The following APBA1 variants were observed in gnomAD, a reference collection of about 807,000 sequenced individuals.
APBA1 encodes the protein amyloid beta precursor protein binding family A member 1.
A neutral mutation model predicts 86.6 loss-of-function variants in APBA1; 55 were observed. That is an observed-to-expected ratio of 0.64 (90% CI 0.51 to 0.80). The LOEUF is 0.80. APBA1 is among the 30% of genes least tolerant of loss of function. The pLI, the probability that APBA1 is intolerant of heterozygous loss-of-function variation, is 0.00. For missense variants in APBA1, 1,090 were observed against 1,183.0 expected (o/e 0.92, Z 1.15); for synonymous variants, 511 against 493.9 (o/e 1.03, Z -0.46).
At chr9:69,611,292 AAAAAAAAAAAAAC>A (rs1346040626) in intron 1 of APBA1, among the ~76,000 whole-genome samples, 3 of 150,944 alleles carry the variant, frequency 2.0e-5, no homozygotes, top group Non-Finnish European at 4.4e-5. Flanking sequence ...AAGGAAAAAA[AAAAAAAAAAAAAC>A]AAAAAAAAAA....
chr9:69,582,422 A>G (rs1008060399), intron 1 of APBA1, among the ~76,000 whole-genome samples: 3 of 152,184 alleles, frequency 2.0e-5, no homozygotes, highest in African/African-American at 7.2e-5. Context: ...TAGTGATGCA[A>G]CAGCCTATCA....
In APBA1 at chr9:69,431,424, G is replaced by GGGGGGCTGAGGCT. The variant is rs747556833; in HGVS notation, c.2443-39_2443-27dup. 9.7e-5 allele frequency: 155 copies of GGGGGGCTGAGGCT among 1,604,386 alleles called. No homozygotes were observed. The African/African-American group carries it at 1.8e-3, about 18-fold the overall frequency. On this transcript the variant is annotated intron_variant, in intron 12 of 12. Transcript: ENST00000265381. ...CTGAGGGTAAAGAACACACTTTAGT[G>GGGGGGCTGAGGCT]GGGGGCTGAGGCTGGGGGCTGGCTG... is the stretch of plus-strand genomic sequence containing the variant.
intron 2 of APBA1, among the ~76,000 whole-genome samples, chr9:69,489,142 T>G (rs1835660363): frequency 6.6e-6 from 1 of 152,098 alleles, no homozygotes; most frequent in African/African-American, 2.4e-5. Context: ...TTAAAGTTCA[T>G]ATGGAACCAG....
At position 69,656,044 on chromosome 9, in the gene APBA1, C is replaced by T. The variant is rs375979782; in HGVS notation, c.-70+16109G>A. ...AATTTTTATGTGTCAATTTTAACAA[C>T]ATTAATAAAAATAACACAACTTTAA... On this transcript the variant is annotated intron_variant, in intron 1 of 12. Coordinates refer to ENST00000265381, the MANE Select transcript of APBA1 (RefSeq NM_001163.4). 1.5e-4 allele frequency among the ~76,000 whole-genome samples: 23 copies of T among 152,260 alleles called. No homozygotes were observed. In the East Asian group the frequency reaches 4.2e-3, roughly 28 times the overall value.
chr9:69,460,381 T>C (rs1238679850), intron 5 of APBA1, among the ~76,000 whole-genome samples: 4 of 152,222 alleles, frequency 2.6e-5, no homozygotes, highest in African/African-American at 9.7e-5. Flanking sequence ...TGTTATGCCA[T>C]GCCACACCAC....
chr9:69,649,432 C>T (rs1235137266), intron 1 of APBA1, among the ~76,000 whole-genome samples: 3 of 152,232 alleles, frequency 2.0e-5, no homozygotes, highest in Admixed American at 1.3e-4. Context: ...CCCTTCTGCC[C>T]AGAGTCACTT....
chr9:69,473,887 A>G (rs1436258206), intron 3 of APBA1, among the ~76,000 whole-genome samples: 1 of 152,212 alleles, frequency 6.6e-6, no homozygotes, highest in Non-Finnish European at 1.5e-5. Context: ...ATCTCTAATT[A>G]TTACACACAA....
intron 1 of APBA1, among the ~76,000 whole-genome samples, chr9:69,523,294 TAGA>T (rs1235458414): frequency 6.6e-6 from 1 of 151,386 alleles, no homozygotes; most frequent in East Asian, 1.9e-4. Context: ...GAAGTAGTGT[TAGA>T]AGAAGGGTCA....
intron 1 of APBA1, among the ~76,000 whole-genome samples, chr9:69,533,903 A>G (rs1008420553): frequency 3.9e-5 from 6 of 152,206 alleles, no homozygotes; most frequent in African/African-American, 1.4e-4. Flanking sequence ...ATGGAGCACT[A>G]GAGAGCTTGT....
rs777399043 is a variant in APBA1, at chr9:69,505,274, G to T, written c.1200+10737C>A. ...CTGCTCCCTTAACATAAGGCTTTGG[G>T]GTTTATTTCCACTGGGGAAGAAAGC... On this transcript the variant is annotated intron_variant, in intron 2 of 12. Coordinates refer to ENST00000265381, the MANE Select transcript of APBA1 (RefSeq NM_001163.4). Among the ~76,000 whole-genome samples, 42 of 152,080 alleles carry T rather than the reference G, an allele frequency of 2.8e-4. 1 individual carries two copies. Among genetic ancestry groups the T allele is most frequent in the Non-Finnish European group, 1.5e-4 (10 of 68,038 alleles).
At chr9:69,468,096 T>C (rs529826684) in intron 4 of APBA1, 128 bp from the exon 5 acceptor site, 1 of 1,085,784 alleles carries the variant, frequency 9.2e-7, no homozygotes, top group South Asian at 1.5e-5. Context: ...CCTGCTGGTC[T>C]GAGGCATCTC....
intron 1 of APBA1, among the ~76,000 whole-genome samples, chr9:69,543,617 T>C (rs574163549): frequency 6.6e-6 from 1 of 152,138 alleles, no homozygotes; most frequent in Non-Finnish European, 1.5e-5. Context: ...TTAAATATTA[T>C]TTAACCCTTA....
chr9:69,450,788 A>G (rs1834994015), intron 9 of APBA1, among the ~76,000 whole-genome samples: 2 of 152,104 alleles, frequency 1.3e-5, no homozygotes, highest in African/African-American at 4.8e-5. Flanking sequence ...TCATGTCCTT[A>G]TTTAAGAAGA....
chr9:69,629,144 T>C (rs1822990338), intron 1 of APBA1, among the ~76,000 whole-genome samples: 1 of 152,186 alleles, frequency 6.6e-6, no homozygotes, highest in African/African-American at 2.4e-5. Flanking sequence ...AAACCAATTA[T>C]AACTTTTAAA....
At position 69,562,380 on chromosome 9, in the gene APBA1, CT is replaced by C. The variant is rs11393335; in HGVS notation, c.-69-45102del. Among the ~76,000 whole-genome samples, 510 of 144,808 alleles carry C rather than the reference CT, an allele frequency of 3.5e-3. 1 individual carries two copies. The highest frequency in any genetic ancestry group is 8.4e-3 in the African/African-American group (333 of 39,778). The allele number at this position is 144,808 out of a possible 152,430, so 95.0% of individuals were successfully genotyped here. ...TCCTAGATTTTCTTTCTTTTCTTTTCTTTTTTTTTTTTGACATGAAGTCTCC... is the reference window on the plus strand; with the variant it reads ...TCCTAGATTTTCTTTCTTTTCTTTTCTTTTTTTTTTTGACATGAAGTCTCC... On this transcript the variant is annotated intron_variant, in intron 1 of 12. Coordinates refer to ENST00000265381, the MANE Select transcript of APBA1 (RefSeq NM_001163.4).
chr9:69,581,775 C>G (rs543028222), intron 1 of APBA1, among the ~76,000 whole-genome samples: 1 of 152,180 alleles, frequency 6.6e-6, no homozygotes, highest in East Asian at 1.9e-4. Context: ...GCTATGTGAC[C>G]CCGGTCAAGT....
At chr9:69,599,901 C>T (rs1490005499) in intron 1 of APBA1, among the ~76,000 whole-genome samples, 1 of 152,150 alleles carries the variant, frequency 6.6e-6, no homozygotes, top group Admixed American at 6.5e-5. Context: ...CTTTCTGGGG[C>T]TTCATGCGTT....
intron 1 of APBA1, among the ~76,000 whole-genome samples, chr9:69,559,209 T>A (rs1008674439): frequency 6.6e-6 from 1 of 152,188 alleles, no homozygotes; most frequent in Non-Finnish European, 1.5e-5. Context: ...AAAGTCTTTA[T>A]TACAGTCTCC....
At position 69,498,468 on chromosome 9, in the gene APBA1, T is replaced by C. The variant is rs574371862; in HGVS notation, c.1200+17543A>G. On this transcript the variant is annotated intron_variant, in intron 2 of 12. Transcript: ENST00000265381. ...TATGCCACTAAATTTTGGGGAAATT[T>C]GTTACACAGCAATAGATAATTAAGA... 2.6e-5 allele frequency among the ~76,000 whole-genome samples: 4 copies of C among 152,256 alleles called. No homozygotes were observed. The East Asian group carries it at 5.8e-4, about 22-fold the overall frequency.
Sources: gnomAD v4.1 joint callset for allele counts (sites outside exome capture counted in the v4.1 genomes callset) on GRCh38, gnomAD v4.1.1 for gene constraint, MANE v1.5 for transcripts, NCBI Gene and HGNC (gene_info 2026-07-23, HGNC 2026-07-21) for gene names.